Variants in PSD3 observed in about 807,000 individuals in gnomAD.
The protein encoded by PSD3 is pleckstrin and Sec7 domain containing 3, also known as PH and SEC7 domain-containing protein 3.
A neutral mutation model predicts 105.5 loss-of-function variants in PSD3; 49 were observed. The observed-to-expected ratio is 0.46, with a 90% CI of 0.37 to 0.59. The LOEUF is 0.59. Ranked by LOEUF, PSD3 falls within the 20% of genes least tolerant of loss-of-function variation. The probability of loss-of-function intolerance (pLI) is 0.00; values close to 1 mark genes in which losing one functional copy is unlikely to be tolerated. For missense variants in PSD3, 1,561 were observed against 1,263.8 expected, an observed-to-expected ratio of 1.24 and a Z score of -3.57; for synonymous variants, 557 against 457.8, an observed-to-expected ratio of 1.22 and a Z score of -2.77.
intron 2 of PSD3, among the ~76,000 whole-genome samples, chr8:18,905,196 A>G (rs994150595): frequency 6.6e-6 from 1 of 152,164 alleles, no homozygotes; most frequent in East Asian, 1.9e-4. Flanking sequence ...CCTAAGTTAC[A>G]TGATCACCTC....
chr8:19,051,256 T>A (rs1828518932), intron 1 of PSD3, among the ~76,000 whole-genome samples: 1 of 122,504 alleles, frequency 8.2e-6, no homozygotes, highest in South Asian at 2.9e-4. Flanking sequence ...TAACCAGCGC[T>A]CGTCCTTCAG....
At chr8:18,923,985 C>A (rs948467548) in intron 2 of PSD3, among the ~76,000 whole-genome samples, 3 of 149,964 alleles carry the variant, frequency 2.0e-5, no homozygotes, top group Non-Finnish European at 2.9e-5. Flanking sequence ...ACTGAACAGA[C>A]AGTAGAAATA....
intron 4 of PSD3, among the ~76,000 whole-genome samples, chr8:18,818,319 T>G (rs1045574865): frequency 1.3e-5 from 2 of 152,060 alleles, no homozygotes; most frequent in Admixed American, 6.5e-5. Flanking sequence ...AGTTTTTCCT[T>G]CCCTTCATTT....
intron 4 of PSD3, among the ~76,000 whole-genome samples, chr8:18,810,414 T>C (rs1363853032): frequency 6.6e-6 from 1 of 152,228 alleles, no homozygotes; most frequent in African/African-American, 2.4e-5. Flanking sequence ...ATCAGTAGAA[T>C]ACTATTGCCT....
chr8:18,905,290 C>T (rs559477826), intron 2 of PSD3, among the ~76,000 whole-genome samples: 1 of 152,236 alleles, frequency 6.6e-6, no homozygotes, highest in South Asian at 2.1e-4. Context: ...ATGAAGCTCT[C>T]CATGCCTCAC....
chr8:18,812,490 A>AG (rs1008126957), intron 4 of PSD3, among the ~76,000 whole-genome samples: 23 of 152,294 alleles, frequency 1.5e-4, no homozygotes, highest in African/African-American at 5.3e-4. Context: ...GTGACCAGTC[A>AG]GGGGGTAATG....
At chr8:18,731,220 C>A (rs926400898) in intron 9 of PSD3, among the ~76,000 whole-genome samples, 14 of 152,284 alleles carry the variant, frequency 9.2e-5, no homozygotes, top group Non-Finnish European at 1.3e-4. Flanking sequence ...TGCACCACTG[C>A]ACTCTTGCCT....
chr8:18,616,226 C>G (rs1805652589), intron 11 of PSD3, among the ~76,000 whole-genome samples: 1 of 152,228 alleles, frequency 6.6e-6, no homozygotes, highest in Non-Finnish European at 1.5e-5. Flanking sequence ...CAACTCAGAC[C>G]ACGTTTCTTC....
chr8:18,817,014 A>G (rs548342623), intron 4 of PSD3, among the ~76,000 whole-genome samples: 2 of 152,326 alleles, frequency 1.3e-5, no homozygotes, highest in East Asian at 3.9e-4. Context: ...GATCATTTCA[A>G]ACAAATGCAG....
chr8:18,916,349 T>TATATACACACAC (rs1563416971), intron 2 of PSD3, among the ~76,000 whole-genome samples: 5 of 44,736 alleles, frequency 1.1e-4, no homozygotes, highest in Non-Finnish European at 1.6e-4. Context: ...TATATATATA[T>TATATACACACAC]ACACACACAC....
intron 4 of PSD3, among the ~76,000 whole-genome samples, chr8:18,811,807 T>A (rs898779874): frequency 1.3e-5 from 2 of 152,164 alleles, no homozygotes; most frequent in African/African-American, 4.8e-5. Context: ...GCTTGTGGGA[T>A]GGAGGTTCCC....
At chr8:18,541,256 C>A (rs1800135824) in intron 15 of PSD3, among the ~76,000 whole-genome samples, 1 of 151,052 alleles carries the variant, frequency 6.6e-6, no homozygotes, top group African/African-American at 2.4e-5. Flanking sequence ...TAATATATCC[C>A]CAGGGCCAAG....
chr8:18,528,244 T>C lies in PSD3; in HGVS notation c.*7499A>G, dbSNP rs910663750. On this transcript the variant is annotated 3_prime_UTR_variant, in exon 16 of 16. Coordinates refer to ENST00000327040, the MANE Select transcript of PSD3 (RefSeq NM_015310.4). ...TCTGGACTGAACAAAGCTGCTAAGC[T>C]AGCACTTGAGTATTCCTCGACCCTT... The C allele has an allele frequency of 1.9e-4, 29 of 152,218 alleles. No homozygotes were observed. The highest frequency in any genetic ancestry group is 1.3e-4 in the Admixed American group (2 of 15,278). 9.4% of individuals were successfully genotyped at this position (152,218 alleles called of 1,614,324 possible).
Position 18,872,472 on chromosome 8 carries a change from A to T in PSD3, c.392T>A (p.Ile131Asn), listed in dbSNP as rs779772054. 8 of 1,614,164 alleles carry T rather than the reference A, an allele frequency of 5.0e-6. No individual in the cohort carries two copies. The highest frequency in any genetic ancestry group is 1.1e-5 in the South Asian group (1 of 91,076). Residue 131 changes from isoleucine to asparagine, a missense_variant, in exon 3 of 16, where the codon ATT becomes AAT. Transcript: ENST00000327040. ...TTTCAGAGCTGAAATCAAAGAGTCAATGGGCTGTAAACTTTGTTCCTTGAG... is the reference window on the plus strand; with the variant it reads ...TTTCAGAGCTGAAATCAAAGAGTCATTGGGCTGTAAACTTTGTTCCTTGAG... ...SHLKEQSLQPIDSLISALKAT... is the reference protein window; with the variant it reads ...SHLKEQSLQPNDSLISALKAT...
At chr8:18,778,578 A>C (rs1563256319) in intron 8 of PSD3, among the ~76,000 whole-genome samples, 1 of 152,092 alleles carries the variant, frequency 6.6e-6, no homozygotes, top group Admixed American at 6.5e-5. Flanking sequence ...GTATGTAGTT[A>C]GCTGCAGCTT....
chr8:18,833,344 T>A (rs1344950218), intron 4 of PSD3, among the ~76,000 whole-genome samples: 4 of 152,160 alleles, frequency 2.6e-5, no homozygotes, highest in African/African-American at 9.7e-5. Context: ...TTATGAAGGC[T>A]CACACTGACA....
chr8:18,815,429 C>G (rs1159761827), intron 4 of PSD3, among the ~76,000 whole-genome samples: 1 of 152,148 alleles, frequency 6.6e-6, no homozygotes, highest in African/African-American at 2.4e-5. Flanking sequence ...CTGCCTCAGA[C>G]TCCCGAGTAG....
Position 18,872,603 on chromosome 8 carries a change from G to A in PSD3, c.261C>T (p.His87=), listed in dbSNP as rs983875827. The part of the protein sequence containing the change: ...LEFDGEALPC[H]PQEQQGVQPL... ...GCTGGACACCCTGCTGCTCTTGTGG[G>A]TGGCATGGCAGAGCCTCACCATCAA... The change falls in exon 3 of 16, where the codon CAC becomes CAT. Residue 87 remains histidine (H), a synonymous_variant. Transcript: ENST00000327040. 3.7e-6 allele frequency: 6 copies of A among 1,613,980 alleles called. No individual in the cohort carries two copies. The highest frequency in any genetic ancestry group is 1.6e-4 in the Middle Eastern group (1 of 6,084).
chr8:18,731,873 C>G (rs1249240778), intron 9 of PSD3, among the ~76,000 whole-genome samples: 1 of 152,150 alleles, frequency 6.6e-6, no homozygotes, highest in East Asian at 1.9e-4. Flanking sequence ...AATGTTTACC[C>G]TAGATCCTTC....
Sources: allele counts gnomAD v4.1 joint callset (sites outside exome capture counted in the v4.1 genomes callset), GRCh38; gene constraint gnomAD v4.1.1; transcripts MANE v1.5; gene names NCBI Gene and HGNC (gene_info 2026-07-23, HGNC 2026-07-21).